Variants in HMGB1 observed in about 807,000 individuals in gnomAD.
HMGB1 encodes high mobility group protein B1.
For missense variants in HMGB1, 79 were observed against 253.5 expected (o/e 0.31, Z 4.67); for synonymous variants, 81 against 84.0 (o/e 0.96, Z 0.19).
chr13:30,615,214 A>G (rs1005866557), intron 1 of HMGB1, among the ~76,000 whole-genome samples: 3 of 152,342 alleles, frequency 2.0e-5, no homozygotes, highest in Admixed American at 2.0e-4. Context: ...CTATCCTAAC[A>G]CATCTGAATT....
At chr13:30,548,225 T>C (rs765294246) in intron 1 of HMGB1, among the ~76,000 whole-genome samples, 1 of 152,164 alleles carries the variant, frequency 6.6e-6, no homozygotes, top group Non-Finnish European at 1.5e-5. Context: ...CTTGTGATAC[T>C]GAGTGAATTC....
chr13:30,593,023 C>CT (rs1871436601), intron 1 of HMGB1, among the ~76,000 whole-genome samples: 1 of 152,208 alleles, frequency 6.6e-6, no homozygotes, highest in African/African-American at 2.4e-5. Context: ...CCATATGTAC[C>CT]TAAGGCTTAT....
chr13:30,606,786 T>C (rs574244825), intron 1 of HMGB1, among the ~76,000 whole-genome samples: 2 of 152,356 alleles, frequency 1.3e-5, no homozygotes, highest in Non-Finnish European at 1.5e-5. Context: ...ACAATGCTTA[T>C]GGTTAGAATT....
intron 1 of HMGB1, among the ~76,000 whole-genome samples, chr13:30,575,331 T>C (rs1362020523): frequency 6.6e-6 from 1 of 152,196 alleles, no homozygotes; most frequent in Non-Finnish European, 1.5e-5. Flanking sequence ...ACTGGCCCTA[T>C]TGACTACGCT....
chr13:30,578,252 C>A (rs558002730), intron 1 of HMGB1, among the ~76,000 whole-genome samples: 121 of 151,724 alleles, frequency 8.0e-4, no homozygotes, highest in African/African-American at 2.9e-3. Context: ...CCTTTCATAC[C>A]TTTTGCAAGC....
intron 1 of HMGB1, among the ~76,000 whole-genome samples, chr13:30,498,703 A>G (rs557997068): frequency 1.3e-5 from 2 of 150,950 alleles, no homozygotes; most frequent in Admixed American, 6.6e-5. Context: ...GCTGGAGTGC[A>G]GTGGCATGAC....
intron 1 of HMGB1, among the ~76,000 whole-genome samples, chr13:30,571,441 T>C (rs1415852931): frequency 6.6e-6 from 1 of 152,086 alleles, no homozygotes; most frequent in African/African-American, 2.4e-5. Flanking sequence ...ACTACAGGCA[T>C]GTGCCACCAT....
At chr13:30,521,939 T>C (rs1240125191) in intron 1 of HMGB1, among the ~76,000 whole-genome samples, 1 of 152,230 alleles carries the variant, frequency 6.6e-6, no homozygotes, top group Non-Finnish European at 1.5e-5. Context: ...TAACTCATTA[T>C]GGCATTGCAC....
chr13:30,573,767 C>T (rs1467650682), intron 1 of HMGB1, among the ~76,000 whole-genome samples: 5 of 151,788 alleles, frequency 3.3e-5, no homozygotes, highest in African/African-American at 7.3e-5. Flanking sequence ...CCTCCCACCT[C>T]GGCCTCCCAA....
intron 1 of HMGB1, among the ~76,000 whole-genome samples, chr13:30,520,929 G>A (rs140207885): frequency 6.6e-6 from 1 of 152,304 alleles, no homozygotes; most frequent in East Asian, 1.9e-4. Context: ...TTCCCAGGAA[G>A]GAAAGGAGCG....
chr13:30,481,272 ACAC>A (rs1218530834), intron 1 of HMGB1, among the ~76,000 whole-genome samples: 1 of 149,920 alleles, frequency 6.7e-6, no homozygotes, highest in Non-Finnish European at 1.5e-5. Flanking sequence ...GAAAAAAAAA[ACAC>A]ACAGATGAGA....
intron 1 of HMGB1, among the ~76,000 whole-genome samples, chr13:30,607,535 G>C (rs955886567): frequency 2.6e-5 from 4 of 151,134 alleles, no homozygotes; most frequent in Non-Finnish European, 4.4e-5. Flanking sequence ...GCAGAAATGT[G>C]AGTCAATTAA....
chr13:30,477,877 C>A (rs902525251), intron 1 of HMGB1, among the ~76,000 whole-genome samples: 1 of 151,848 alleles, frequency 6.6e-6, no homozygotes, highest in Non-Finnish European at 1.5e-5. Context: ...GTGCCCAAAG[C>A]GGTTTGTAAG....
At chr13:30,481,544 G>C (rs1887228457) in intron 1 of HMGB1, among the ~76,000 whole-genome samples, 1 of 152,210 alleles carries the variant, frequency 6.6e-6, no homozygotes, top group Non-Finnish European at 1.5e-5. Context: ...GCGGAGGCCT[G>C]GCATTTTTCT....
intron 1 of HMGB1, among the ~76,000 whole-genome samples, chr13:30,583,839 A>AAAAG (rs753686706): frequency 0.052 from 7,126 of 137,472 alleles, 437 homozygotes; most frequent in African/African-American, 0.14. Flanking sequence ...AAAAAAAAAA[A>AAAAG]AAAGAAAGAA....
chr13:30,571,299 T>G (rs563984912), intron 1 of HMGB1, among the ~76,000 whole-genome samples: 19 of 151,592 alleles, frequency 1.3e-4, no homozygotes, highest in South Asian at 8.3e-4. Flanking sequence ...ATGGTTTTTT[T>G]TTTTTTTTTT....
chr13:30,608,113 G>A (rs951756232), intron 1 of HMGB1, among the ~76,000 whole-genome samples: 2 of 152,120 alleles, frequency 1.3e-5, no homozygotes, highest in Non-Finnish European at 2.9e-5. Flanking sequence ...TGCTCTGGGG[G>A]AAAAGCCAGG....
intron 1 of HMGB1, among the ~76,000 whole-genome samples, chr13:30,485,081 G>C (rs1887334752): frequency 1.4e-5 from 2 of 147,464 alleles, no homozygotes; most frequent in African/African-American, 5.0e-5. Flanking sequence ...GCCCAGGCTG[G>C]AGTGCCATAG....
At chr13:30,469,675 G>C (rs1886875221), upstream of HMGB1, among the ~76,000 whole-genome samples, 3 of 57,524 alleles carry the variant, frequency 5.2e-5, 1 homozygote, top group Non-Finnish European at 1.6e-4. Context: ...TCTGTCACCA[G>C]GCTGGAGTGC....
Sources: allele counts gnomAD v4.1 joint callset (sites outside exome capture counted in the v4.1 genomes callset), GRCh38; gene constraint gnomAD v4.1.1; transcripts MANE v1.5; gene names NCBI Gene and HGNC (gene_info 2026-07-23, HGNC 2026-07-21).